BOD1L1: variants seen among roughly 807,000 people sequenced by gnomAD.
The protein encoded by BOD1L1 is biorientation of chromosomes in cell division 1 like 1, also known as biorientation of chromosomes in cell division protein 1-like 1.
A neutral mutation model predicts 240.7 loss-of-function variants in BOD1L1; 86 were observed. The observed-to-expected ratio is 0.36, with a 90% confidence interval of 0.30 to 0.43. The LOEUF is 0.43. Ranked by LOEUF, BOD1L1 falls within the 20% of genes least tolerant of loss-of-function variation. BOD1L1 has a pLI of 1.00. For synonymous variants in BOD1L1, 1,268 were observed against 1,272.3 expected (o/e 1.00, Z 0.07); for missense variants, 3,554 against 3,643.5 (o/e 0.98, Z 0.63).
intron 2 of BOD1L1, among the ~76,000 whole-genome samples, chr4:13,619,714 A>G (rs1408839194): frequency 6.6e-6 from 1 of 152,176 alleles, no homozygotes; most frequent in Non-Finnish European, 1.5e-5. Flanking sequence ...CTTCCTTCAA[A>G]TATTTCCAAA....
Position 13,627,562 on chromosome 4 carries a change from G to T in BOD1L1, c.26C>A (p.Pro9Gln). Reference sequence around the variant, plus strand: ...GGGAGGCGGCGGCGCCGGAGGAGGCGGCTGCGGCTGTGGGTTGGTGGCCAT... The same window carrying T: ...GGGAGGCGGCGGCGCCGGAGGAGGCTGCTGCGGCTGTGGGTTGGTGGCCAT... MATNPQPQ[P>Q]PPPAPPPPPP... Residue 9 changes from proline to glutamine, a missense_variant, in exon 1 of 26, where the codon CCG becomes CAG. Physicochemically the swap from Pro to Gln is moderately conservative, Grantham distance 76. Around this residue, in one of 2 missense-constraint regions of BOD1L1, gnomAD observed 161 missense variants for 216.4 expected, o/e 0.74. Coordinates refer to ENST00000040738, the MANE Select transcript of BOD1L1 (RefSeq NM_148894.3). The T allele has an allele frequency of 3.5e-6, 4 of 1,138,054 alleles. No individual in the cohort carries two copies. The highest frequency in any genetic ancestry group is 4.3e-6 in the Non-Finnish European group (4 of 927,646). The allele number at this position is 1,138,054 out of a possible 1,614,324, so 70.5% of individuals were successfully genotyped here.
At chr4:13,611,814 C>T (rs1716195522) in intron 5 of BOD1L1, among the ~76,000 whole-genome samples, 1 of 152,042 alleles carries the variant, frequency 6.6e-6, no homozygotes, top group South Asian at 2.1e-4. Flanking sequence ...TTTTAATGAC[C>T]ACCTCTGAAT....
At chr4:13,626,629 G>A (rs1717414021) in intron 1 of BOD1L1, among the ~76,000 whole-genome samples, 1 of 152,098 alleles carries the variant, frequency 6.6e-6, no homozygotes, top group Non-Finnish European at 1.5e-5. Flanking sequence ...TCTGGACAGG[G>A]AACCTTGTTG....
intron 1 of BOD1L1, chr4:13,625,711 C>T (rs1717338494): frequency 6.6e-6 from 1 of 151,996 alleles, no homozygotes; most frequent in African/African-American, 2.4e-5. Context: ...CATTAAATAA[C>T]AACAAAAATA....
Position 13,602,876 on chromosome 4 carries a change from C to T in BOD1L1, c.4024G>A (p.Asp1342Asn). Residue 1342 changes from aspartate (D) to asparagine (N), a missense_variant, in exon 10 of 26, where the codon GAC becomes AAC. Physicochemically the swap from Asp to Asn is conservative, Grantham distance 23. Coordinates refer to ENST00000040738, the MANE Select transcript of BOD1L1 (RefSeq NM_148894.3). ...AAACCTTCACCACCTTCTTTGCTGT[C>T]ACTTGTCTTAAGGACTTCTGATTCC... ...VRESEVLKTS[D>N]SKEGGEGFTV... 1 of 1,614,014 alleles carries T rather than the reference C, an allele frequency of 6.2e-7. No homozygotes were observed. The highest frequency in any genetic ancestry group is 8.5e-7 in the Non-Finnish European group (1 of 1,179,896).
intron 15 of BOD1L1, 30 bp from the exon 16 acceptor site, chr4:13,587,801 C>T: frequency 7.0e-7 from 1 of 1,421,080 alleles, no homozygotes; most frequent in Non-Finnish European, 9.7e-7. Context: ...TATCAAAGGC[C>T]ATAGAATCTT....
intron 2 of BOD1L1, among the ~76,000 whole-genome samples, chr4:13,618,988 A>G (rs773705971): frequency 2.0e-5 from 3 of 152,254 alleles, no homozygotes; most frequent in Non-Finnish European, 4.4e-5. Context: ...GGGTATAGCA[A>G]GGGTAGAAGG....
In BOD1L1 at chr4:13,600,955, GC is replaced by G. The variant is rs1350941954; in HGVS notation, c.5944del (p.Ala1982LeufsTer57). 1 of 1,613,906 alleles carries G rather than the reference GC, an allele frequency of 6.2e-7. No homozygotes were observed. On this transcript the variant is annotated frameshift_variant, in exon 10 of 26. Transcript: ENST00000040738. LOFTEE classifies it high-confidence loss of function. ...PGGCEGPMTS[A>X]ASDQSDSQLE... Reference sequence around the variant, plus strand: ...CTGACTGTCACTTTGATCAGATGCAGCACTAGTCATAGGACCCTCACAACCT... The same window carrying G: ...CTGACTGTCACTTTGATCAGATGCAGACTAGTCATAGGACCCTCACAACCT...
intron 12 of BOD1L1, among the ~76,000 whole-genome samples, chr4:13,595,351 A>G (rs1359298313): frequency 6.6e-6 from 1 of 152,196 alleles, no homozygotes; most frequent in Admixed American, 6.5e-5. Flanking sequence ...TCTGATATTG[A>G]GGATCTCCCT....
intron 8 of BOD1L1, 44 bp from the exon 9 acceptor site, chr4:13,607,233 A>G: frequency 8.0e-7 from 1 of 1,248,986 alleles, no homozygotes; most frequent in South Asian, 1.9e-5. Context: ...TCAAATACGA[A>G]AATTTTTCAG....
chr4:13,620,340 G>C (rs1716953497), intron 1 of BOD1L1, among the ~76,000 whole-genome samples: 1 of 152,298 alleles, frequency 6.6e-6, no homozygotes, highest in African/African-American at 2.4e-5. Context: ...ATGATTTGGA[G>C]TAAAAAAGGG....
intron 17 of BOD1L1, among the ~76,000 whole-genome samples, chr4:13,583,487 G>T (rs1004804606): frequency 7.2e-5 from 11 of 152,218 alleles, no homozygotes; most frequent in African/African-American, 2.2e-4. Flanking sequence ...TCCCTACTTG[G>T]ATGCATTCAA....
At chr4:13,594,606 GCC>G (rs1714468346) in intron 12 of BOD1L1, among the ~76,000 whole-genome samples, 1 of 152,132 alleles carries the variant, frequency 6.6e-6, no homozygotes, top group South Asian at 2.1e-4. Flanking sequence ...CCAACCATTG[GCC>G]GAGCGCAGTG....
rs758858715 is a variant in BOD1L1, at chr4:13,601,462, C to T, written c.5438G>A (p.Ser1813Asn). The T allele has an allele frequency of 1.3e-5, 21 of 1,613,950 alleles. No homozygotes were observed. Among genetic ancestry groups the T allele is most frequent in the Middle Eastern group, 1.6e-4 (1 of 6,084 alleles). Residue 1813 changes from serine to asparagine, a missense_variant, in exon 10 of 26, where the codon AGC (serine) becomes AAC (asparagine). Transcript: ENST00000040738. ...PASCTGSEDS[S>N]EGFAISSESE... is the part of the protein sequence containing the mutation. ...TTCAGAACTTATAGCAAAGCCTTCG[C>T]TGCTATCTTCTGAACCTGTGCAACT...
rs563382765 is a variant in BOD1L1 at position 13,613,752 on chromosome 4, C to T, written c.1175-91G>A. The T allele has an allele frequency of 4.6e-4, 508 of 1,109,862 alleles. 3 individuals are homozygous for T. The highest frequency in any genetic ancestry group is 5.9e-4 in the Non-Finnish European group (493 of 834,404). The allele number at this position is 1,109,862 out of a possible 1,614,324, so 68.8% of individuals were successfully genotyped here. On this transcript the variant is annotated intron_variant, in intron 4 of 25. Coordinates refer to ENST00000040738, the MANE Select transcript of BOD1L1 (RefSeq NM_148894.3). The surrounding 1 kb of genome is among the most constrained non-coding windows in gnomAD (Gnocchi z 4.0). ...ATTACTAAATTACACTTAAAATTTT[C>T]TGCTTTAAATACGTGTCAAACTATC...
intron 9 of BOD1L1, among the ~76,000 whole-genome samples, chr4:13,605,444 T>C (rs771601424): frequency 3.3e-5 from 5 of 152,106 alleles, no homozygotes; most frequent in Admixed American, 2.0e-4. Flanking sequence ...CATCAGGAAA[T>C]TGTAGCTCAG....
chr4:13,619,950 CTTG>C lies in BOD1L1; in HGVS notation c.358_360del (p.Gln120del), dbSNP rs779861218. 1.2e-6 allele frequency: 2 copies of C among 1,612,768 alleles called. No homozygotes were observed. Among genetic ancestry groups the C allele is most frequent in the African/African-American group, 2.7e-5 (2 of 74,924 alleles). On this transcript the variant is annotated inframe_deletion, in exon 2 of 26. Coordinates refer to ENST00000040738, the MANE Select transcript of BOD1L1 (RefSeq NM_148894.3). ...TCTATCTCTGAGACTTACTTGAGGACTTGTTGTCTAATGTTGTTTCTTAGCTGG... is the reference window on the plus strand; with the variant it reads ...TCTATCTCTGAGACTTACTTGAGGACTTGTCTAATGTTGTTTCTTAGCTGG...
chr4:13,620,515 C>G (rs997374496), intron 1 of BOD1L1, among the ~76,000 whole-genome samples: 4 of 152,092 alleles, frequency 2.6e-5, no homozygotes, highest in African/African-American at 9.7e-5. Context: ...ATTTAGTGAG[C>G]CTCCAAATTG....
intron 13 of BOD1L1, 29 bp downstream of exon 13, chr4:13,591,894 C>G: frequency 6.6e-7 from 1 of 1,516,190 alleles, no homozygotes; most frequent in East Asian, 2.4e-5. Context: ...CCAATAACCA[C>G]AAAAATCAAA....
Sources: gnomAD v4.1 joint callset for allele counts (sites outside exome capture counted in the v4.1 genomes callset) on GRCh38, gnomAD v4.1.1 for gene constraint, gnomAD v4.1.1 regional missense constraint, Gnocchi (gnomAD v3.1) non-coding constraint, MANE v1.5 for transcripts, NCBI Gene and HGNC (gene_info 2026-07-23, HGNC 2026-07-21) for gene names.